BOC: variants seen among roughly 807,000 people sequenced by gnomAD.
The protein encoded by BOC is brother of CDO.
A neutral mutation model predicts 112.0 loss-of-function variants in BOC; 76 were observed. That is an observed-to-expected ratio of 0.68 (90% CI 0.56 to 0.82). BOC has a LOEUF of 0.82. BOC is among the 40% of genes least tolerant of loss of function. BOC has a pLI of 0.00. For missense variants in BOC, 1,309 were observed against 1,511.7 expected, an observed-to-expected ratio of 0.87 and a Z score of 2.22; for synonymous variants, 580 against 599.8, an observed-to-expected ratio of 0.97 and a Z score of 0.48.
chr3:113,235,108 A>G (rs1400616366), intron 2 of BOC, among the ~76,000 whole-genome samples: 1 of 152,240 alleles, frequency 6.6e-6, no homozygotes, highest in African/African-American at 2.4e-5. Context: ...AGTGCTGTTC[A>G]GGTCCTGGGA....
At chr3:113,272,130 C>T in intron 6 of BOC, 1 of 509,968 alleles carries the variant, frequency 2.0e-6, no homozygotes, top group Non-Finnish European at 3.5e-6. Flanking sequence ...CTCTCTTTGC[C>T]AGCACACAGT....
chr3:113,255,261 A>G (rs1385184339), intron 4 of BOC, among the ~76,000 whole-genome samples: 1 of 151,982 alleles, frequency 6.6e-6, no homozygotes, highest in Non-Finnish European at 1.5e-5. Flanking sequence ...ACCGCTCTAC[A>G]CAGCTCAGCT....
chr3:113,249,806 C>T lies in BOC; in HGVS notation c.4C>T (p.Leu2=). The part of the protein sequence containing the change: M[L]RGTMTAWRGM... ...CTTCAGACCTTTGTGATACACCATG[C>T]TGCGTGGGACGATGACGGCGTGGAG... Residue 2 remains leucine (L), a synonymous_variant, in exon 3 of 20, where the codon CTG becomes TTG. Coordinates refer to ENST00000682979, the MANE Select transcript of BOC (RefSeq NM_001378074.1). 6.2e-7 allele frequency: 1 copy of T among 1,611,784 alleles called. No homozygotes were observed.
chr3:113,250,556 C>T lies in BOC; in HGVS notation c.99C>T (p.Asn33=), dbSNP rs762401448. 21 of 1,607,482 alleles carry T rather than the reference C, an allele frequency of 1.3e-5. No individual in the cohort carries two copies. The highest frequency in any genetic ancestry group is 1.7e-4 in the Middle Eastern group (1 of 6,044). ...LATAGCFADL[N]EVPQVTVQPA... ...GCTGCATCCCTGTTCTTCCTCCAGA[C>T]GAGGTCCCTCAGGTCACCGTCCAGC... The change falls in exon 4 of 20, where the codon AAC becomes AAT. Residue 33 remains asparagine (N), a splice_region_variant and synonymous_variant. Coordinates refer to ENST00000682979, the MANE Select transcript of BOC (RefSeq NM_001378074.1).
At chr3:113,238,530 A>G (rs1400397282) in intron 2 of BOC, among the ~76,000 whole-genome samples, 1 of 152,176 alleles carries the variant, frequency 6.6e-6, no homozygotes, top group Non-Finnish European at 1.5e-5. Flanking sequence ...CTCATCTTTT[A>G]AACATTTATT....
At position 113,278,645 on chromosome 3, in the gene BOC, T is replaced by G; in HGVS notation, c.1706-28T>G. 1 of 1,540,036 alleles carries G rather than the reference T, an allele frequency of 6.5e-7. No individual in the cohort carries two copies. Among genetic ancestry groups the G allele is most frequent in the Non-Finnish European group, 8.8e-7 (1 of 1,136,224 alleles). On this transcript the variant is annotated intron_variant, in intron 10 of 19. Transcript: ENST00000682979. The surrounding 1 kb of genome is among the most constrained non-coding windows in gnomAD (Gnocchi z 4.2). ...GGAGATCTCATGCCTGCTTCCTCCC[T>G]TGCTGACTACAACCCATTTCCACCC...
At chr3:113,232,168 C>T (rs1161653525) in intron 2 of BOC, among the ~76,000 whole-genome samples, 1 of 152,154 alleles carries the variant, frequency 6.6e-6, no homozygotes, top group Non-Finnish European at 1.5e-5. Context: ...CTGCTGTAAA[C>T]AGTGGTGCCT....
intron 4 of BOC, among the ~76,000 whole-genome samples, chr3:113,263,576 C>T (rs1020348918): frequency 6.6e-6 from 1 of 152,180 alleles, no homozygotes. Context: ...ATGGATTACA[C>T]CTGGGGCATT....
intron 2 of BOC, among the ~76,000 whole-genome samples, chr3:113,221,880 CCCCTTGCCTACT>C (rs994874819): frequency 1.3e-5 from 2 of 152,168 alleles, no homozygotes; most frequent in Non-Finnish European, 2.9e-5. Context: ...CCTCCCTTCC[CCCCTTGCCTACT>C]CCCACAGCCA....
chr3:113,221,351 A>G (rs973952621), intron 2 of BOC, among the ~76,000 whole-genome samples: 3 of 152,176 alleles, frequency 2.0e-5, no homozygotes, highest in African/African-American at 7.2e-5. Flanking sequence ...TTACGGAGAG[A>G]AAGAAATGTG....
At chr3:113,219,145 A>G (rs1422246855) in intron 2 of BOC, among the ~76,000 whole-genome samples, 2 of 152,256 alleles carry the variant, frequency 1.3e-5, no homozygotes, top group South Asian at 2.1e-4. Context: ...CACAAGCAGC[A>G]GGTACCCTTC....
chr3:113,278,587 G>A lies in BOC; in HGVS notation c.1706-86G>A, dbSNP rs1471935444. ...TTGCATCACTTTGTCATGCCGCTTA[G>A]CAGAGTCTCAGGCAAAAAGGACTCT... On this transcript the variant is annotated intron_variant, in intron 10 of 19. Transcript: ENST00000682979. This position sits in a 1 kb window ranked among gnomAD's most constrained non-coding sequence, Gnocchi z 4.2. The A allele has an allele frequency of 1.7e-6, 2 of 1,189,930 alleles. No individual in the cohort carries two copies. The highest frequency in any genetic ancestry group is 4.1e-5 in the Admixed American group (2 of 49,350). The allele number at this position is 1,189,930 out of a possible 1,614,324, so 73.7% of individuals were successfully genotyped here.
At chr3:113,226,298 G>A (rs570053110) in intron 2 of BOC, among the ~76,000 whole-genome samples, 4 of 152,186 alleles carry the variant, frequency 2.6e-5, no homozygotes, top group Non-Finnish European at 4.4e-5. Context: ...TGCAGAGAGC[G>A]CAGAATGGGT....
Position 113,285,475 on chromosome 3 carries a change from G to A in BOC, c.3070G>A (p.Glu1024Lys). 4 of 1,614,126 alleles carry A rather than the reference G, an allele frequency of 2.5e-6. No homozygotes were observed. In the South Asian group the frequency reaches 3.3e-5, roughly 13 times the overall value. ...QPHHDCCQRQ[E>K]QPAAVGQSGV... The stretch of plus-strand genomic sequence containing the variant: ...CCATCACGACTGCTGCCAACGCCAG[G>A]AGCAGCCTGCTGCTGTGGGCCAGTC... Residue 1024 changes from glutamate to lysine, a missense_variant, in exon 19 of 20, where the codon GAG becomes AAG. By Grantham distance (56) the Glu-to-Lys change is moderately conservative. Transcript: ENST00000682979.
At chr3:113,255,107 T>A (rs1299654138) in intron 4 of BOC, among the ~76,000 whole-genome samples, 1 of 150,372 alleles carries the variant, frequency 6.7e-6, no homozygotes, top group African/African-American at 2.4e-5. Context: ...ACCTAAACTT[T>A]AAAAAAAAAA....
At chr3:113,270,661 T>G in intron 5 of BOC, 140 bp from the exon 6 acceptor site, 1 of 927,546 alleles carries the variant, frequency 1.1e-6, no homozygotes, top group Non-Finnish European at 1.6e-6. Context: ...GGCTTTGTCT[T>G]GTGGGGACTC....
rs1949592909 is a variant in BOC at position 113,285,491 on chromosome 3, TG to T, written c.3089del (p.Gly1030AlafsTer5). The T allele has an allele frequency of 6.2e-7, 1 of 1,614,008 alleles. No individual in the cohort carries two copies. On this transcript the variant is annotated frameshift_variant, in exon 19 of 20. Coordinates refer to ENST00000682979, the MANE Select transcript of BOC (RefSeq NM_001378074.1). LOFTEE classifies it high-confidence loss of function. Reference sequence around the variant, plus strand: ...CAACGCCAGGAGCAGCCTGCTGCTGTGGGCCAGTCAGGGGTGAGGAGAGCCC... The same window carrying T: ...CAACGCCAGGAGCAGCCTGCTGCTGTGGCCAGTCAGGGGTGAGGAGAGCCC... ...CCQRQEQPAAVGQSGVRRAPD... is the reference protein window; with the variant it reads ...CCQRQEQPAAXGQSGVRRAPD...
At chr3:113,222,091 C>T (rs1180512996) in intron 2 of BOC, among the ~76,000 whole-genome samples, 1 of 152,216 alleles carries the variant, frequency 6.6e-6, no homozygotes, top group East Asian at 1.9e-4. Context: ...GCACTCCCAC[C>T]ATCATTCTCT....
intron 4 of BOC, among the ~76,000 whole-genome samples, chr3:113,262,625 C>G (rs956842692): frequency 1.3e-5 from 2 of 152,214 alleles, no homozygotes; most frequent in African/African-American, 2.4e-5. Flanking sequence ...AGGTGCCAGG[C>G]TTTCTGACCT....
Sources: gnomAD v4.1 joint callset for allele counts (sites outside exome capture counted in the v4.1 genomes callset) on GRCh38, gnomAD v4.1.1 for gene constraint, Gnocchi (gnomAD v3.1) non-coding constraint, MANE v1.5 for transcripts, NCBI Gene and HGNC (gene_info 2026-07-23, HGNC 2026-07-21) for gene names.